Variants in NAA30 observed in about 807,000 individuals in gnomAD.
NAA30 encodes the protein N-alpha-acetyltransferase 30, NatC catalytic subunit, also known as N-alpha-acetyltransferase 30.
In NAA30, 5 loss-of-function variants were observed where a neutral mutation model predicts 31.4. That is an observed-to-expected ratio of 0.16 (90% CI 0.08 to 0.33). NAA30 has a LOEUF of 0.33. Among genes scored for constraint, NAA30 ranks in the 10% least tolerant of loss-of-function variants. The probability of loss-of-function intolerance (pLI) is 1.00; values close to 1 mark genes in which losing one functional copy is unlikely to be tolerated. For missense variants in NAA30, 428 were observed against 490.8 expected (o/e 0.87, Z 1.21); for synonymous variants, 222 against 207.1 (o/e 1.07, Z -0.62).
chr14:57,404,721 C>T (rs1006589908), intron 4 of NAA30, among the ~76,000 whole-genome samples: 3 of 152,084 alleles, frequency 2.0e-5, no homozygotes, highest in Non-Finnish European at 2.9e-5. Context: ...AGGAGCAAGT[C>T]GCATCTTACG....
At chr14:57,394,222 G>A (rs984083797) in intron 2 of NAA30, among the ~76,000 whole-genome samples, 1 of 150,610 alleles carries the variant, frequency 6.6e-6, no homozygotes, top group Non-Finnish European at 1.5e-5. Flanking sequence ...GTATCTTTTT[G>A]AAGTTCTTAA....
At chr14:57,405,355 CTTT>C (rs2066494090) in intron 4 of NAA30, among the ~76,000 whole-genome samples, 2 of 151,016 alleles carry the variant, frequency 1.3e-5, no homozygotes, top group Admixed American at 1.3e-4. Flanking sequence ...TAAAAGGTTA[CTTT>C]TTATCTTTTT....
chr14:57,399,969 G>GAAATCTGCAATAA, intron 4 of NAA30, 86 bp downstream of exon 4: 1 of 689,272 alleles, frequency 1.5e-6, no homozygotes, highest in Non-Finnish European at 2.5e-6. Flanking sequence ...ATTTATTGCA[G>GAAATCTGCAATAA]ATTTCATTGC....
chr14:57,393,105 G>C (rs903197290), intron 2 of NAA30, among the ~76,000 whole-genome samples: 1 of 152,134 alleles, frequency 6.6e-6, no homozygotes, highest in Non-Finnish European at 1.5e-5. Flanking sequence ...TTAGTTGTAA[G>C]TTAACCCACA....
At chr14:57,395,062 C>T (rs371782490) in intron 2 of NAA30, among the ~76,000 whole-genome samples, 3 of 151,938 alleles carry the variant, frequency 2.0e-5, no homozygotes, top group South Asian at 2.1e-4. Flanking sequence ...TTGGTCGAGG[C>T]GATTTTTGTG....
At chr14:57,392,257 C>G (rs1435075497) in intron 2 of NAA30, among the ~76,000 whole-genome samples, 2 of 152,166 alleles carry the variant, frequency 1.3e-5, no homozygotes, top group Non-Finnish European at 2.9e-5. Flanking sequence ...TTTACTTCAA[C>G]TGGACAATTA....
intron 2 of NAA30, among the ~76,000 whole-genome samples, chr14:57,393,233 T>C (rs1293827291): frequency 6.6e-6 from 1 of 152,226 alleles, no homozygotes; most frequent in Non-Finnish European, 1.5e-5. Context: ...CCTAAGCCTC[T>C]CTCAACTTGT....
At chr14:57,405,806 C>G (rs1190845412) in intron 4 of NAA30, among the ~76,000 whole-genome samples, 1 of 152,170 alleles carries the variant, frequency 6.6e-6, no homozygotes, top group African/African-American at 2.4e-5. Context: ...AGCCTGCTCT[C>G]CAGGAGCTTC....
intron 2 of NAA30, among the ~76,000 whole-genome samples, chr14:57,395,297 A>G (rs185097520): frequency 1.3e-5 from 2 of 152,324 alleles, no homozygotes; most frequent in African/African-American, 2.4e-5. Context: ...ATCTTGCTGA[A>G]AAGATTTCTC....
chr14:57,392,475 G>A (rs1285275424), intron 2 of NAA30, among the ~76,000 whole-genome samples: 1 of 152,002 alleles, frequency 6.6e-6, no homozygotes, highest in East Asian at 1.9e-4. Flanking sequence ...ACTGGCTTGT[G>A]TAGAGTATAA....
At position 57,391,089 on chromosome 14, in the gene NAA30, C is replaced by T. The variant is rs559401292; in HGVS notation, c.132C>T (p.Asp44=). 1.5e-5 allele frequency: 24 copies of T among 1,557,354 alleles called. No homozygotes were observed. The African/African-American group carries it at 2.5e-4, about 16-fold the overall frequency. The change falls in exon 2 of 5, where the codon GAC becomes GAT. Residue 44 remains aspartate (D), a synonymous_variant. Transcript: ENST00000556492. This position sits in a 1 kb window ranked among gnomAD's most constrained non-coding sequence, Gnocchi z 4.1. ...CCTGCTGCAGCGAGGACGAGGAGGA[C>T]GACGAAGAGCACGAAGGCGGCGGCA... ...ALACCSEDEE[D]DEEHEGGGSR... is the part of the protein sequence containing the mutation.
At chr14:57,403,030 A>C (rs920239619) in intron 4 of NAA30, among the ~76,000 whole-genome samples, 1 of 152,090 alleles carries the variant, frequency 6.6e-6, no homozygotes, top group South Asian at 2.1e-4. Flanking sequence ...AAAATACGAA[A>C]ATTAGCTGGG....
rs552694169 is a variant in NAA30, at chr14:57,407,432, G to A, written c.952-1947G>A. On this transcript the variant is annotated intron_variant, in intron 4 of 4. Coordinates refer to ENST00000556492, the MANE Select transcript of NAA30 (RefSeq NM_001011713.3). Reference sequence around the variant, plus strand: ...TTGAATAAGAATGTGTCATAGGAACGGTGCAGAATGTTGCTGGGTGATATA... The same window carrying A: ...TTGAATAAGAATGTGTCATAGGAACAGTGCAGAATGTTGCTGGGTGATATA... Among the ~76,000 whole-genome samples, 316 of 152,230 alleles carry A rather than the reference G, an allele frequency of 2.1e-3. 1 individual carries two copies. Among genetic ancestry groups the A allele is most frequent in the African/African-American group, 6.9e-3 (287 of 41,524 alleles).
intron 4 of NAA30, among the ~76,000 whole-genome samples, chr14:57,403,172 C>A (rs1205726694): frequency 1.3e-5 from 2 of 148,870 alleles, no homozygotes; most frequent in African/African-American, 4.9e-5. Context: ...CAGAGTGAGA[C>A]TCTCATAAAG....
intron 2 of NAA30, among the ~76,000 whole-genome samples, chr14:57,394,562 A>T (rs1035104736): frequency 1.1e-4 from 16 of 152,130 alleles, no homozygotes; most frequent in African/African-American, 2.4e-5. Context: ...ATCAGGAAAA[A>T]AAAATGCAGC....
At position 57,391,022 on chromosome 14, in the gene NAA30, C is replaced by T. The variant is rs750448452; in HGVS notation, c.65C>T (p.Ala22Val). 1 of 1,496,886 alleles carries T rather than the reference C, an allele frequency of 6.7e-7. No individual in the cohort carries two copies. The highest frequency in any genetic ancestry group is 8.8e-7 in the Non-Finnish European group (1 of 1,131,546). 92.7% of individuals were successfully genotyped at this position (1,496,886 alleles called of 1,614,324 possible). ...LPPPAPPAPA[A>V]VEPRCPFPAG... ...CCACCAGCACCTCCGGCCCCGGCGG[C>T]GGTCGAGCCCCGCTGTCCCTTCCCG... is the stretch of plus-strand genomic sequence containing the variant. Residue 22 changes from alanine (A) to valine (V), a missense_variant, in exon 2 of 5, where the codon GCG (alanine) becomes GTG (valine). By Grantham distance (64) the Ala-to-Val change is moderately conservative (BLOSUM62 0). Around this residue, in one of 2 missense-constraint regions of NAA30, gnomAD observed 349 missense variants for 310.4 expected, o/e 1.12. Transcript: ENST00000556492. This position sits in a 1 kb window ranked among gnomAD's most constrained non-coding sequence, Gnocchi z 4.1.
In NAA30 at chr14:57,391,918, G is replaced by T. The variant is rs1176084011; in HGVS notation, c.771+190G>T. On this transcript the variant is annotated intron_variant, in intron 2 of 4. Transcript: ENST00000556492. This position sits in a 1 kb window ranked among gnomAD's most constrained non-coding sequence, Gnocchi z 4.1. ...TTTGAAGGTAAGACTTCATGATTCG[G>T]GTTAACGTGATACTAGTGTAACTGC... Among the ~76,000 whole-genome samples the T allele has an allele frequency of 6.6e-6, 1 of 152,168 alleles. No individual in the cohort carries two copies.
At chr14:57,396,604 TG>T in intron 2 of NAA30, 147 bp from the exon 3 acceptor site, 1 of 695,554 alleles carries the variant, frequency 1.4e-6, no homozygotes, top group Admixed American at 2.6e-5. Context: ...TTTAGATTTC[TG>T]AAACTTCTGT....
At chr14:57,407,464 A>C (rs1033120981) in intron 4 of NAA30, among the ~76,000 whole-genome samples, 31 of 152,176 alleles carry the variant, frequency 2.0e-4, no homozygotes, top group Non-Finnish European at 1.6e-4. Flanking sequence ...TATAAAAGGA[A>C]AGGGGCACTG....
Sources: gnomAD v4.1 joint callset for allele counts (sites outside exome capture counted in the v4.1 genomes callset) on GRCh38, gnomAD v4.1.1 for gene constraint, gnomAD v4.1.1 regional missense constraint, Gnocchi (gnomAD v3.1) non-coding constraint, MANE v1.5 for transcripts, NCBI Gene and HGNC (gene_info 2026-07-23, HGNC 2026-07-21) for gene names.